Variants in ZFHX4 observed in about 807,000 individuals in gnomAD.
ZFHX4 encodes the protein zinc finger homeobox protein 4.
In ZFHX4, 56 loss-of-function variants were observed where a neutral mutation model predicts 267.6. The observed-to-expected ratio is 0.21, with a 90% CI of 0.17 to 0.26. The LOEUF (loss-of-function observed/expected upper bound fraction) is 0.26. Among genes scored for constraint, ZFHX4 ranks in the 10% least tolerant of loss-of-function variants. ZFHX4 has a pLI of 1.00. For missense variants in ZFHX4, 4,332 were observed against 4,420.0 expected (o/e 0.98, Z 0.56); for synonymous variants, 1,778 against 1,665.6 (o/e 1.07, Z -1.64).
At chr8:76,803,071 A>G (rs1257319267) in intron 4 of ZFHX4, among the ~76,000 whole-genome samples, 1 of 152,122 alleles carries the variant, frequency 6.6e-6, no homozygotes, top group Non-Finnish European at 1.5e-5. Flanking sequence ...CCCATTTTTC[A>G]CTAATTCCTG....
chr8:76,741,527 A>T (rs953625082), intron 3 of ZFHX4, among the ~76,000 whole-genome samples: 1 of 152,192 alleles, frequency 6.6e-6, no homozygotes, highest in Non-Finnish European at 1.5e-5. Flanking sequence ...ATGAACTAAG[A>T]CAACTAGAAT....
chr8:76,820,569 T>C (rs1320687682), intron 4 of ZFHX4, among the ~76,000 whole-genome samples: 3 of 152,208 alleles, frequency 2.0e-5, no homozygotes, highest in African/African-American at 4.8e-5. Context: ...CACACACTTT[T>C]GAGGCCTTTT....
At chr8:76,696,593 C>T (rs1462436668) in intron 1 of ZFHX4, among the ~76,000 whole-genome samples, 2 of 149,478 alleles carry the variant, frequency 1.3e-5, no homozygotes, top group Admixed American at 6.7e-5. Context: ...TACTGAATTG[C>T]TCACTTCACT....
rs1053866387 is a variant in ZFHX4, at chr8:76,712,852, T to TA, written c.3093+4813dup. ...TTAATTCCAGTTGCAGGATTTGTTT[T>TA]AAAAAAAAACTAATCACAGTTCAAA... On this transcript the variant is annotated intron_variant, in intron 3 of 10. Transcript: ENST00000651372. 3.7e-3 allele frequency among the ~76,000 whole-genome samples: 556 copies of TA among 151,688 alleles called. 9 individuals are homozygous for TA. The highest frequency in any genetic ancestry group is 0.013 in the African/African-American group (524 of 41,380).
chr8:76,848,194 G>A (rs930091624), intron 6 of ZFHX4, among the ~76,000 whole-genome samples: 7 of 152,202 alleles, frequency 4.6e-5, no homozygotes, highest in African/African-American at 1.7e-4. Flanking sequence ...CAATGTCGCT[G>A]TAATATCTAG....
intron 3 of ZFHX4, among the ~76,000 whole-genome samples, chr8:76,766,403 T>C (rs1340661041): frequency 6.6e-6 from 1 of 152,174 alleles, no homozygotes; most frequent in African/African-American, 2.4e-5. Flanking sequence ...AATTTTGATA[T>C]TTAAAACGAT....
Position 76,704,257 on chromosome 8 carries a change from A to C in ZFHX4, c.169A>C (p.Lys57Gln). 6.2e-7 allele frequency: 1 copy of C among 1,614,052 alleles called. No individual in the cohort carries two copies. The highest frequency in any genetic ancestry group is 8.5e-7 in the Non-Finnish European group (1 of 1,179,900). The change falls in exon 2 of 11, where the codon AAA becomes CAA. Residue 57 changes from lysine (K) to glutamine (Q), a missense_variant. Transcript: ENST00000651372. ...TDDNLKTDER[K>Q]SEALLGFSVE... ...TGACAACCTGAAAACGGATGAGCGC[A>C]AAAGTGAAGCCTTGCTGGGTTTCAG... is the stretch of plus-strand genomic sequence containing the variant.
In ZFHX4 at chr8:76,706,265, A is replaced by ATGTTTGT. The variant is rs1394789464; in HGVS notation, c.2181_2182insTGTTGTT (p.Gln728CysfsTer11). 1.3e-5 allele frequency: 21 copies of ATGTTTGT among 1,613,940 alleles called. No individual in the cohort carries two copies. Among genetic ancestry groups the ATGTTTGT allele is most frequent in the Non-Finnish European group, 1.8e-5 (21 of 1,180,022 alleles). On this transcript the variant is annotated frameshift_variant, in exon 2 of 11. Coordinates refer to ENST00000651372, the MANE Select transcript of ZFHX4 (RefSeq NM_024721.5). LOFTEE classifies it high-confidence loss of function. ...ATGCAGTCGGACAAGCACCTGAACA[A>ATGTTTGT]TGTTCAGAATCTCCAAAATGGCAAT...
intron 4 of ZFHX4, among the ~76,000 whole-genome samples, chr8:76,828,694 G>A (rs183560093): frequency 9.2e-5 from 14 of 152,266 alleles, no homozygotes; most frequent in African/African-American, 3.1e-4. Flanking sequence ...AAAAGGCATG[G>A]CTAGAGGGGT....
At chr8:76,833,292 C>T in intron 4 of ZFHX4, 46 bp from the exon 5 acceptor site, 3 of 1,538,372 alleles carry the variant, frequency 2.0e-6, no homozygotes, top group Non-Finnish European at 2.7e-6. Flanking sequence ...GATGAGAGAG[C>T]TGGATATGGC....
Position 76,705,314 on chromosome 8 carries a change from G to A in ZFHX4, c.1226G>A (p.Gly409Glu), listed in dbSNP as rs746296385. ...TQMPKAEVNLGGLSSLVVNTP... is the reference protein window; with the variant it reads ...TQMPKAEVNLEGLSSLVVNTP... The stretch of plus-strand genomic sequence containing the variant: ...ATGCCAAAGGCTGAAGTGAATCTGG[G>A]GGGGCTGTCTAGTTTAGTAGTGAAC... Residue 409 changes from glycine to glutamate, a missense_variant, in exon 2 of 11, where the codon GGG becomes GAG. Physicochemically the swap from Gly to Glu is moderately conservative, Grantham distance 98. Transcript: ENST00000651372. The A allele has an allele frequency of 2.5e-6, 4 of 1,613,994 alleles. No homozygotes were observed. The highest frequency in any genetic ancestry group is 3.3e-5 in the Admixed American group (2 of 60,028).
At position 76,706,185 on chromosome 8, in the gene ZFHX4, C is replaced by G; in HGVS notation, c.2097C>G (p.Phe699Leu). Residue 699 changes from phenylalanine to leucine, a missense_variant, in exon 2 of 11, where the codon TTC becomes TTG. Around this residue, in one of 7 missense-constraint regions of ZFHX4, gnomAD observed 1,195 missense variants for 1,173.6 expected, o/e 1.02. Transcript: ENST00000651372. ...GESYTCGYKP[F>L]RCEVCNYSTT... ...GTTACACGTGTGGCTATAAACCCTTCCGTTGTGAGGTTTGTAACTACTCTA... is the reference window on the plus strand; with the variant it reads ...GTTACACGTGTGGCTATAAACCCTTGCGTTGTGAGGTTTGTAACTACTCTA... 6.2e-7 allele frequency: 1 copy of G among 1,614,048 alleles called. No homozygotes were observed. Among genetic ancestry groups the G allele is most frequent in the Non-Finnish European group, 8.5e-7 (1 of 1,180,010 alleles).
chr8:76,776,140 G>A (rs532543836), intron 3 of ZFHX4, among the ~76,000 whole-genome samples: 44 of 152,108 alleles, frequency 2.9e-4, no homozygotes, highest in Non-Finnish European at 4.9e-4. Context: ...GGTGTGGAAA[G>A]GAGGCATACT....
chr8:76,837,850 T>A (rs1011547660), intron 5 of ZFHX4, among the ~76,000 whole-genome samples: 5 of 152,170 alleles, frequency 3.3e-5, no homozygotes, highest in African/African-American at 4.8e-5. Context: ...CCAGAAACAC[T>A]AATCCTAGTT....
chr8:76,771,391 AATTC>A (rs1810259355), intron 3 of ZFHX4, among the ~76,000 whole-genome samples: 2 of 152,028 alleles, frequency 1.3e-5, no homozygotes, highest in African/African-American at 4.8e-5. Context: ...TGAATTGTTA[AATTC>A]ATGAATCAGT....
rs1305083190 is a variant in ZFHX4 at position 76,852,307 on chromosome 8, C to T, written c.5386C>T (p.Leu1796=). Residue 1796 remains leucine (L), a synonymous_variant, in exon 10 of 11, where the codon CTA becomes TTA. Transcript: ENST00000651372. ...HHVGQTQLQI[L]QQQAQQYQAT... ...CGTTGGTCAAACTCAACTCCAGATA[C>T]TACAGCAACAAGCACAACAATACCA... 1.3e-6 allele frequency: 2 copies of T among 1,558,242 alleles called. No homozygotes were observed. The highest frequency in any genetic ancestry group is 1.7e-6 in the Non-Finnish European group (2 of 1,150,292).
intron 3 of ZFHX4, among the ~76,000 whole-genome samples, chr8:76,769,909 A>T (rs79878932): frequency 2.1e-4 from 32 of 152,276 alleles, no homozygotes; most frequent in Non-Finnish European, 4.4e-4. Flanking sequence ...TTAGCAGGAT[A>T]CTCATTTGTG....
rs745659045 is a variant in ZFHX4 at position 76,706,588 on chromosome 8, A to G, written c.2500A>G (p.Met834Val). The change falls in exon 2 of 11, where the codon ATG becomes GTG. Residue 834 changes from methionine to valine, a missense_variant. Met to Val is a conservative substitution (Grantham distance 21). Around this residue, in one of 7 missense-constraint regions of ZFHX4, gnomAD observed 1,195 missense variants for 1,173.6 expected, o/e 1.02. Coordinates refer to ENST00000651372, the MANE Select transcript of ZFHX4 (RefSeq NM_024721.5). ...YLAQNIGLTG[M>V]KLENPADPQL... ...AGCCCAGAACATAGGCCTGACCGGAATGAAGCTGGAAAACCCTGCCGACCC... is the reference window on the plus strand; with the variant it reads ...AGCCCAGAACATAGGCCTGACCGGAGTGAAGCTGGAAAACCCTGCCGACCC... The G allele has an allele frequency of 7.5e-6, 12 of 1,610,658 alleles. No individual in the cohort carries two copies. Among genetic ancestry groups the G allele is most frequent in the Non-Finnish European group, 9.3e-6 (11 of 1,178,658 alleles).
At chr8:76,818,122 T>C (rs574561612) in intron 4 of ZFHX4, among the ~76,000 whole-genome samples, 20 of 152,290 alleles carry the variant, frequency 1.3e-4, no homozygotes, top group African/African-American at 4.8e-4. Context: ...CAGTAATGTT[T>C]AGAGGAACAT....
Sources: allele counts gnomAD v4.1 joint callset (sites outside exome capture counted in the v4.1 genomes callset), GRCh38; gene constraint gnomAD v4.1.1; regional missense constraint gnomAD v4.1.1; transcripts MANE v1.5; gene names NCBI Gene and HGNC (gene_info 2026-07-23, HGNC 2026-07-21).